EPHA2: variants seen among roughly 807,000 people sequenced by gnomAD.
EPHA2 encodes EPH receptor A2, also known as ephrin type-A receptor 2.
EPHA2 carries 54 observed loss-of-function variants against 104.9 expected under a neutral mutation model. The ratio of observed to expected loss-of-function variants is 0.51; its 90% CI spans 0.41 to 0.65. The LOEUF (loss-of-function observed/expected upper bound fraction) is 0.65, where lower values mean the gene tolerates loss of function less well. EPHA2 is among the 30% of genes least tolerant of loss of function. The probability of loss-of-function intolerance (pLI) is 0.00; values close to 1 mark genes in which losing one functional copy is unlikely to be tolerated. For synonymous variants in EPHA2, 560 were observed against 559.1 expected, an observed-to-expected ratio of 1.00 and a Z score of -0.02; for missense variants, 1,117 against 1,369.5, an observed-to-expected ratio of 0.82 and a Z score of 2.91.
In EPHA2 at chr1:16,135,107, AG is replaced by A; in HGVS notation, c.1510del (p.Leu504TrpfsTer7). 6.2e-7 allele frequency: 1 copy of A among 1,613,930 alleles called. No individual in the cohort carries two copies. Among genetic ancestry groups the A allele is most frequent in the Non-Finnish European group, 8.5e-7 (1 of 1,180,022 alleles). Reference sequence around the variant, plus strand: ...CTGCGTCAGTGCCTGCACCTGGACCAGGTAGGTGGTGTCTGGGGCCAGGTCG... The same window carrying A: ...CTGCGTCAGTGCCTGCACCTGGACCAGTAGGTGGTGTCTGGGGCCAGGTCG... Reference protein sequence around the residue: ...LDDLAPDTTYLVQVQALTQEG... With the variant: ...LDDLAPDTTYXVQVQALTQEG... On this transcript the variant is annotated frameshift_variant, in exon 7 of 17. Transcript: ENST00000358432. LOFTEE classifies it high-confidence loss of function. The surrounding 1 kb of genome is among the most constrained non-coding windows in gnomAD (Gnocchi z 4.3).
chr1:16,136,485 GGC>G (rs1300628807), intron 5 of EPHA2, among the ~76,000 whole-genome samples: 2 of 151,016 alleles, frequency 1.3e-5, no homozygotes, highest in Admixed American at 1.3e-4. Flanking sequence ...TGGGCATGGT[GGC>G]GCATGCCTGT....
chr1:16,133,962 C>A, intron 8 of EPHA2, 47 bp from the exon 9 acceptor site: 1 of 1,542,444 alleles, frequency 6.5e-7, no homozygotes, highest in South Asian at 1.2e-5. Context: ...TCAGTGAGGT[C>A]TGCTCCGGCC....
At chr1:16,142,008 C>A (rs2024832706) in intron 3 of EPHA2, among the ~76,000 whole-genome samples, 1 of 152,182 alleles carries the variant, frequency 6.6e-6, no homozygotes, top group African/African-American at 2.4e-5. Flanking sequence ...TTCTTCCTGA[C>A]TTTATCTAGT....
rs200355975 is a variant in EPHA2 at position 16,136,680 on chromosome 1, GA to G, written c.1313-911del. Reference sequence around the variant, plus strand: ...GAAGAAGAAAAGAAGAAAAGAAGAAGAAAGAAGAAGAGGAAGAAGAAGAAGA... The same window carrying G: ...GAAGAAGAAAAGAAGAAAAGAAGAAGAAGAAGAAGAGGAAGAAGAAGAAGA... On this transcript the variant is annotated intron_variant, in intron 5 of 16. Coordinates refer to ENST00000358432, the MANE Select transcript of EPHA2 (RefSeq NM_004431.5). 7.8e-4 allele frequency among the ~76,000 whole-genome samples: 69 copies of G among 88,672 alleles called. 4 individuals are homozygous for G. Among genetic ancestry groups the G allele is most frequent in the African/African-American group, 4.0e-3 (43 of 10,686 alleles). The allele number at this position is 88,672 out of a possible 152,430, so 58.2% of individuals were successfully genotyped here.
chr1:16,132,904 G>A (rs575450979), intron 11 of EPHA2: 51 of 523,388 alleles, frequency 9.7e-5, no homozygotes, highest in Admixed American at 4.2e-4. Flanking sequence ...TACAGGTATC[G>A]GGGAGAGGTG....
Position 16,135,510 on chromosome 1 carries a change from C to A in EPHA2, c.1428+145G>T. Reference sequence around the variant, plus strand: ...GCTGTGCTGCCTTGGGAGATGTAACCCCCTGGCAGACCCCAGGCCTCAGTT... The same window carrying A: ...GCTGTGCTGCCTTGGGAGATGTAACACCCTGGCAGACCCCAGGCCTCAGTT... On this transcript the variant is annotated intron_variant, in intron 6 of 16. Transcript: ENST00000358432. This position sits in a 1 kb window ranked among gnomAD's most constrained non-coding sequence, Gnocchi z 4.3. 1 of 824,310 alleles carries A rather than the reference C, an allele frequency of 1.2e-6. No individual in the cohort carries two copies. The highest frequency in any genetic ancestry group is 1.4e-5 in the South Asian group (1 of 70,418). 51.1% of individuals were successfully genotyped at this position (824,310 alleles called of 1,614,324 possible). A position where few individuals can be genotyped will look rare whatever the true frequency, so the allele number is the denominator to read the frequency against.
At position 16,128,743 on chromosome 1, in the gene EPHA2, T is replaced by C. The variant is rs545001407; in HGVS notation, c.2825+691A>G. ...GGGAGAAGAGCTGCCAAGGGGCAGC[T>C]TGACAAAGGGGCAAACCCAGGGCCA... On this transcript the variant is annotated intron_variant, in intron 16 of 16. Coordinates refer to ENST00000358432, the MANE Select transcript of EPHA2 (RefSeq NM_004431.5). The surrounding 1 kb of genome is among the most constrained non-coding windows in gnomAD (Gnocchi z 4.7). Among the ~76,000 whole-genome samples, 22 of 152,262 alleles carry C rather than the reference T, an allele frequency of 1.4e-4. No homozygotes were observed. The highest frequency in any genetic ancestry group is 2.9e-4 in the Non-Finnish European group (20 of 68,016).
At position 16,134,116 on chromosome 1, in the gene EPHA2, C is replaced by T. The variant is rs1570402423; in HGVS notation, c.1683-201G>A. Among the ~76,000 whole-genome samples the T allele has an allele frequency of 1.3e-5, 2 of 152,062 alleles. No homozygotes were observed. The highest frequency in any genetic ancestry group is 2.1e-4 in the South Asian group (1 of 4,822). On this transcript the variant is annotated intron_variant, in intron 8 of 16. Transcript: ENST00000358432. The surrounding 1 kb of genome is among the most constrained non-coding windows in gnomAD (Gnocchi z 4.5). ...GGTGGAGGAACAGGGAGGAAGTGAGCGAGCCAGGACTCCCTCTCCAGGATC... is the reference window on the plus strand; with the variant it reads ...GGTGGAGGAACAGGGAGGAAGTGAGTGAGCCAGGACTCCCTCTCCAGGATC...
intron 5 of EPHA2, among the ~76,000 whole-genome samples, chr1:16,136,862 G>A (rs1398621806): frequency 4.7e-5 from 7 of 150,084 alleles, no homozygotes; most frequent in Admixed American, 2.6e-4. Context: ...GCAATGGTGC[G>A]ATCTCGGCTC....
rs760956040 is a variant in EPHA2 at position 16,148,578 on chromosome 1, A to C, written c.623T>G (p.Leu208Arg). ...GGCGATGGTCTCAGGGAAGTGGGCCAGGCCCTGCAGCAGCTCGGGGCACTT... is the reference window on the plus strand; with the variant it reads ...GGCGATGGTCTCAGGGAAGTGGGCCCGGCCCTGCAGCAGCTCGGGGCACTT... ...YKKCPELLQG[L>R]AHFPETIAGS... is the part of the protein sequence containing the mutation. The change falls in exon 3 of 17, where the codon CTG becomes CGG. Residue 208 changes from leucine to arginine, a missense_variant. Transcript: ENST00000358432. The surrounding 1 kb of genome is among the most constrained non-coding windows in gnomAD (Gnocchi z 4.9). 2 of 1,611,660 alleles carry C rather than the reference A, an allele frequency of 1.2e-6. No homozygotes were observed. Among genetic ancestry groups the C allele is most frequent in the Non-Finnish European group, 1.7e-6 (2 of 1,179,994 alleles).
chr1:16,133,850 T>C lies in EPHA2; in HGVS notation c.1738+10A>G, dbSNP rs1194359475. The C allele has an allele frequency of 2.6e-6, 4 of 1,544,206 alleles. No individual in the cohort carries two copies. In the East Asian group the frequency reaches 7.4e-5, roughly 28 times the overall value. ...GCAGGGCTGGGCCTGGAGCGGGGGC[T>C]GCGTCTCACCTGACTTGGAGAAGTA... On this transcript the variant is annotated intron_variant, in intron 9 of 16. Coordinates refer to ENST00000358432, the MANE Select transcript of EPHA2 (RefSeq NM_004431.5).
rs924393153 is a variant in EPHA2, at chr1:16,135,951, G to C, written c.1313-181C>G. ...AGTGGCATGATCTCGGCCCACTACA[G>C]CTTTGAACTCCTGTGCTCAAGTGAT... On this transcript the variant is annotated intron_variant, in intron 5 of 16. Transcript: ENST00000358432. The surrounding 1 kb of genome is among the most constrained non-coding windows in gnomAD (Gnocchi z 4.3). Among the ~76,000 whole-genome samples the C allele has an allele frequency of 6.6e-6, 1 of 152,084 alleles. No individual in the cohort carries two copies. Among genetic ancestry groups the C allele is most frequent in the Non-Finnish European group, 1.5e-5 (1 of 68,012 alleles).
In EPHA2 at chr1:16,133,541, A is replaced by G; in HGVS notation, c.1804T>C (p.Leu602=). 1 of 1,614,054 alleles carries G rather than the reference A, an allele frequency of 6.2e-7. No homozygotes were observed. The highest frequency in any genetic ancestry group is 8.5e-7 in the Non-Finnish European group (1 of 1,179,954). The change falls in exon 10 of 17, where the codon TTG becomes CTG. Residue 602 remains leucine (L), a synonymous_variant. Coordinates refer to ENST00000358432, the MANE Select transcript of EPHA2 (RefSeq NM_004431.5). ...GGATGGATCTCGGTAGTGAACTTCA[A>G]CACAGCCTGGTTGGGGTCCTCATAT... ...HTYEDPNQAV[L]KFTTEIHPSC...
rs112600002 is a variant in EPHA2 at position 16,125,002 on chromosome 1, G to A, written c.*213C>T. Reference sequence around the variant, plus strand: ...GTGCCTGCTAAGTGCTCAGCTGTGTGCGTCTCGCAGGGAAAGAGGGCCCAG... The same window carrying A: ...GTGCCTGCTAAGTGCTCAGCTGTGTACGTCTCGCAGGGAAAGAGGGCCCAG... On this transcript the variant is annotated 3_prime_UTR_variant, in exon 17 of 17. Coordinates refer to ENST00000358432, the MANE Select transcript of EPHA2 (RefSeq NM_004431.5). This position sits in a 1 kb window ranked among gnomAD's most constrained non-coding sequence, Gnocchi z 4.9. 792 of 600,264 alleles carry A rather than the reference G, an allele frequency of 1.3e-3. 4 individuals carry two copies. The highest frequency in any genetic ancestry group is 6.6e-3 in the African/African-American group (361 of 54,342). 37.2% of individuals were successfully genotyped at this position (600,264 alleles called of 1,614,324 possible).
In EPHA2 at chr1:16,131,753, C is replaced by T. The variant is rs376424805; in HGVS notation, c.2443G>A (p.Glu815Lys). Reference protein sequence around the residue: ...IVMWEVMTYGERPYWELSNHE... With the variant: ...IVMWEVMTYGKRPYWELSNHE... ...TTGGACAACTCCCAGTAGGGCCGCT[C>T]GCCATAGGTCATCACCTCCCACATG... is the stretch of plus-strand genomic sequence containing the variant. Residue 815 changes from glutamate to lysine, a missense_variant, in exon 14 of 17, where the codon GAG becomes AAG. By Grantham distance (56) the Glu-to-Lys change is moderately conservative. This residue lies in a region of EPHA2 where 340 missense variants were observed against 480.5 expected (regional missense o/e 0.71). Coordinates refer to ENST00000358432, the MANE Select transcript of EPHA2 (RefSeq NM_004431.5). The surrounding 1 kb of genome is among the most constrained non-coding windows in gnomAD (Gnocchi z 5.2). 4 of 1,614,086 alleles carry T rather than the reference C, an allele frequency of 2.5e-6. No individual in the cohort carries two copies. Among genetic ancestry groups the T allele is most frequent in the African/African-American group, 1.3e-5 (1 of 75,046 alleles).
intron 16 of EPHA2, among the ~76,000 whole-genome samples, chr1:16,126,156 C>T (rs983298416): frequency 3.3e-5 from 5 of 152,162 alleles, no homozygotes; most frequent in Admixed American, 6.5e-5. Context: ...CAGGAGCCCA[C>T]AGCCCTGCTT....
At chr1:16,132,021 G>A (rs761923438) in intron 13 of EPHA2, 43 bp downstream of exon 13, 23 of 1,613,740 alleles carry the variant, frequency 1.4e-5, no homozygotes, top group Non-Finnish European at 1.8e-5. Flanking sequence ...CACCATGCAG[G>A]GCGAAGGCCG....
chr1:16,155,021 G>A (rs1182050817), intron 1 of EPHA2, among the ~76,000 whole-genome samples: 1 of 152,080 alleles, frequency 6.6e-6, no homozygotes, highest in Non-Finnish European at 1.5e-5. Context: ...AAAGTCTGCG[G>A]CCCCTCACTC....
intron 1 of EPHA2, among the ~76,000 whole-genome samples, chr1:16,154,801 C>T (rs920465383): frequency 6.6e-6 from 1 of 151,870 alleles, no homozygotes; most frequent in South Asian, 2.1e-4. Flanking sequence ...TCTCACCGGC[C>T]CAAGTTTCCT....
Sources: gnomAD v4.1 joint callset for allele counts (sites outside exome capture counted in the v4.1 genomes callset) on GRCh38, gnomAD v4.1.1 for gene constraint, gnomAD v4.1.1 regional missense constraint, Gnocchi (gnomAD v3.1) non-coding constraint, MANE v1.5 for transcripts, NCBI Gene and HGNC (gene_info 2026-07-23, HGNC 2026-07-21) for gene names.